The following ARHGEF33 variants were observed in gnomAD, a reference collection of about 807,000 sequenced individuals.
ARHGEF33 encodes the protein Rho guanine nucleotide exchange factor 33.
Under a neutral mutation model 101.9 loss-of-function variants are expected in ARHGEF33, and 72 were observed. The ratio of observed to expected loss-of-function variants is 0.71; its 90% CI spans 0.58 to 0.86. The LOEUF is 0.86. ARHGEF33 is among the 40% of genes least tolerant of loss of function. The probability of loss-of-function intolerance (pLI) is 0.00; values close to 1 mark genes in which losing one functional copy is unlikely to be tolerated. For missense variants in ARHGEF33, 1,169 were observed against 1,111.3 expected (o/e 1.05, Z -0.74); for synonymous variants, 499 against 442.5 (o/e 1.13, Z -1.60).
chr2:38,898,750 TA>T (rs1666176413), intron 2 of ARHGEF33, among the ~76,000 whole-genome samples: 1 of 152,242 alleles, frequency 6.6e-6, no homozygotes, highest in African/African-American at 2.4e-5. Flanking sequence ...TTTCACTTGA[TA>T]AATACATCTT....
chr2:38,969,608 T>TG (rs1384211976), intron 17 of ARHGEF33: 1 of 167,134 alleles, frequency 6.0e-6, no homozygotes, highest in East Asian at 1.9e-4. Context: ...CCAAAATATT[T>TG]GGGGAAAAGA....
intron 3 of ARHGEF33, among the ~76,000 whole-genome samples, chr2:38,920,398 CTTTTTTTTTTTTTTTT>C (rs61429948): frequency 1.3e-5 from 1 of 77,824 alleles, no homozygotes; most frequent in South Asian, 5.7e-4. Flanking sequence ...TCTTTCTTTC[CTTTTTTTTTTTTTTTT>C]TTTTTTTTTT....
Position 38,960,178 on chromosome 2 carries a change from C to G in ARHGEF33, c.1873C>G (p.Leu625Val), listed in dbSNP as rs1667881834. ...EFEYGGEIFA[L>V]PAPYDEEPFQ... The stretch of plus-strand genomic sequence containing the variant: ...CGAGTACGGCGGCGAGATCTTCGCG[C>G]TGCCCGCGCCCTACGACGAGGAGCC... The change falls in exon 16 of 18, where the codon CTG (leucine) becomes GTG (valine). Residue 625 changes from leucine to valine, a missense_variant. Coordinates refer to ENST00000409978, the MANE Select transcript of ARHGEF33 (RefSeq NM_001145451.5). The G allele has an allele frequency of 6.5e-7, 1 of 1,542,854 alleles. No homozygotes were observed. Among genetic ancestry groups the G allele is most frequent in the Non-Finnish European group, 8.7e-7 (1 of 1,144,334 alleles).
chr2:38,957,073 A>G, intron 14 of ARHGEF33, 26 bp downstream of exon 14: 2 of 1,551,346 alleles, frequency 1.3e-6, no homozygotes, highest in Non-Finnish European at 1.7e-6. Context: ...TGTGGTCTAG[A>G]GGGTCGAAGA....
At chr2:38,915,080 G>A (rs1666602862) in intron 2 of ARHGEF33, among the ~76,000 whole-genome samples, 1 of 151,958 alleles carries the variant, frequency 6.6e-6, no homozygotes, top group African/African-American at 2.4e-5. Context: ...TTGAACTCCT[G>A]GCCTCAAGCA....
intron 6 of ARHGEF33, among the ~76,000 whole-genome samples, 189 bp from the exon 7 acceptor site, chr2:38,930,920 T>G (rs777899963): frequency 6.6e-6 from 1 of 152,232 alleles, no homozygotes; most frequent in Non-Finnish European, 1.5e-5. Flanking sequence ...TTTCTCCAGC[T>G]GAGGTAATGA....
At chr2:38,947,735 G>A (rs542443486) in intron 10 of ARHGEF33, among the ~76,000 whole-genome samples, 2 of 152,276 alleles carry the variant, frequency 1.3e-5, no homozygotes, top group African/African-American at 2.4e-5. Context: ...TATGGAGGGA[G>A]CAGTGATCAG....
At chr2:38,894,257 G>A (rs1163498115) in intron 1 of ARHGEF33, among the ~76,000 whole-genome samples, 1 of 151,916 alleles carries the variant, frequency 6.6e-6, no homozygotes, top group Non-Finnish European at 1.5e-5. Flanking sequence ...GCTAGAGCCC[G>A]GGAGGTCGAG....
Position 38,937,767 on chromosome 2 carries a change from G to T in ARHGEF33, c.790+208G>T, listed in dbSNP as rs151190263. Among the ~76,000 whole-genome samples, 5 of 152,292 alleles carry T rather than the reference G, an allele frequency of 3.3e-5. No homozygotes were observed. The East Asian group carries it at 9.7e-4, about 29-fold the overall frequency. On this transcript the variant is annotated intron_variant, in intron 9 of 17. Coordinates refer to ENST00000409978, the MANE Select transcript of ARHGEF33 (RefSeq NM_001145451.5). ...GGCCAGTGACTACCACCTTGATTCT[G>T]CATGTTCAAGACACTTAGTAATGGA...
intron 2 of ARHGEF33, among the ~76,000 whole-genome samples, chr2:38,918,651 C>T (rs573379110): frequency 2.6e-5 from 4 of 152,094 alleles, no homozygotes; most frequent in African/African-American, 4.8e-5. Flanking sequence ...TACCAGATGC[C>T]GAAAGTGGGG....
At chr2:38,910,459 G>A (rs963911313) in intron 2 of ARHGEF33, among the ~76,000 whole-genome samples, 1 of 152,174 alleles carries the variant, frequency 6.6e-6, no homozygotes, top group Admixed American at 6.5e-5. Flanking sequence ...TGTAGTCCCA[G>A]CTACTCGGGA....
intron 11 of ARHGEF33, among the ~76,000 whole-genome samples, chr2:38,951,839 A>G (rs1372818394): frequency 2.0e-5 from 3 of 152,100 alleles, no homozygotes; most frequent in Admixed American, 2.0e-4. Context: ...ATGGGTGGCT[A>G]TTATCTTGAA....
At chr2:38,893,340 A>G (rs980165916) in intron 1 of ARHGEF33, among the ~76,000 whole-genome samples, 17 of 151,852 alleles carry the variant, frequency 1.1e-4, no homozygotes, top group Admixed American at 1.1e-3. Flanking sequence ...TTGTACTTTT[A>G]GTAGAGACAG....
At chr2:38,949,318 T>C (rs1667532826) in intron 10 of ARHGEF33, among the ~76,000 whole-genome samples, 1 of 152,208 alleles carries the variant, frequency 6.6e-6, no homozygotes, top group Admixed American at 6.5e-5. Flanking sequence ...CTTGCGGTGC[T>C]GAAAGCATAA....
At chr2:38,897,001 C>T (rs1297924370) in intron 2 of ARHGEF33, among the ~76,000 whole-genome samples, 18 of 152,088 alleles carry the variant, frequency 1.2e-4, no homozygotes, top group Admixed American at 3.9e-4. Flanking sequence ...CTGCAACCTC[C>T]GCCTCCTGGG....
intron 17 of ARHGEF33, chr2:38,971,719 C>A: frequency 1.5e-6 from 1 of 671,328 alleles, no homozygotes; most frequent in South Asian, 1.7e-5. Flanking sequence ...AGCAATTTAG[C>A]TGTTAGTTTA....
In ARHGEF33 at chr2:38,919,427, A is replaced by G. The variant is rs1666707669; in HGVS notation, c.-21A>G. 2 of 1,551,846 alleles carry G rather than the reference A, an allele frequency of 1.3e-6. No homozygotes were observed. Among genetic ancestry groups the G allele is most frequent in the Non-Finnish European group, 1.7e-6 (2 of 1,146,918 alleles). The stretch of plus-strand genomic sequence containing the variant: ...GATGCAATGTTGAAGAATAAGCTGG[A>G]GAAGAGAAGTAACCGGCACTATGGA... On this transcript the variant is annotated 5_prime_UTR_variant, in exon 3 of 18. Coordinates refer to ENST00000409978, the MANE Select transcript of ARHGEF33 (RefSeq NM_001145451.5).
At chr2:38,914,680 A>G (rs1666593925) in intron 2 of ARHGEF33, among the ~76,000 whole-genome samples, 1 of 152,004 alleles carries the variant, frequency 6.6e-6, no homozygotes, top group Admixed American at 6.6e-5. Flanking sequence ...AAAAAAAAAA[A>G]AAAAGTAATT....
intron 3 of ARHGEF33, 40 bp downstream of exon 3, chr2:38,919,512 C>T (rs1180845375): frequency 3.2e-6 from 5 of 1,549,840 alleles, no homozygotes; most frequent in Non-Finnish European, 4.4e-6. Flanking sequence ...ACTTAGGATT[C>T]AAGGAATGTA....
Sources: allele counts gnomAD v4.1 joint callset (sites outside exome capture counted in the v4.1 genomes callset), GRCh38; gene constraint gnomAD v4.1.1; transcripts MANE v1.5; gene names NCBI Gene and HGNC (gene_info 2026-07-23, HGNC 2026-07-21).